Variants in SYT9 observed in about 807,000 individuals in gnomAD.
SYT9 encodes the protein synaptotagmin-9.
In SYT9, 22 loss-of-function variants were observed where a neutral mutation model predicts 48.4. That is an observed-to-expected ratio of 0.45 (90% CI 0.32 to 0.65). SYT9 has a LOEUF of 0.65. Ranked by LOEUF, SYT9 falls within the 30% of genes least tolerant of loss-of-function variation. The probability of loss-of-function intolerance (pLI) is 0.03; values close to 1 mark genes in which losing one functional copy is unlikely to be tolerated. For missense variants in SYT9, 577 were observed against 622.0 expected, an observed-to-expected ratio of 0.93 and a Z score of 0.77; for synonymous variants, 265 against 245.0, an observed-to-expected ratio of 1.08 and a Z score of -0.76.
At chr11:7,409,348 T>G (rs1847088260) in intron 3 of SYT9, among the ~76,000 whole-genome samples, 2 of 152,040 alleles carry the variant, frequency 1.3e-5, no homozygotes, top group Admixed American at 1.3e-4. Context: ...TGTTGTGTCC[T>G]TGTCAGGTTT....
chr11:7,313,567 CTG>C lies in SYT9; in HGVS notation c.671_672del (p.Leu224GlnfsTer7). The C allele has an allele frequency of 6.2e-7, 1 of 1,614,108 alleles. No individual in the cohort carries two copies. The highest frequency in any genetic ancestry group is 8.5e-7 in the Non-Finnish European group (1 of 1,179,998). On this transcript the variant is annotated frameshift_variant, in exon 3 of 7. Coordinates refer to ENST00000318881, the MANE Select transcript of SYT9 (RefSeq NM_175733.4). LOFTEE classifies it high-confidence loss of function. The part of the protein sequence containing the change: ...RRSNSKACGK[L>X]NFILKYDCDL... ...GAGTAACAGCAAGGCTTGTGGGAAA[CTG>C]AACTTCATTTTAAAATATGACTGTG...
At chr11:7,246,202 T>C (rs1847788955) in intron 1 of SYT9, among the ~76,000 whole-genome samples, 1 of 152,196 alleles carries the variant, frequency 6.6e-6, no homozygotes, top group Non-Finnish European at 1.5e-5. Flanking sequence ...GGCTGAGACT[T>C]TGATTCCTTC....
At chr11:7,266,787 C>T (rs10839755) in intron 1 of SYT9, among the ~76,000 whole-genome samples, 99,832 of 151,648 alleles carry the variant, frequency 0.66, 33,013 homozygotes, top group East Asian at 0.73. Context: ...CATAGTGCTA[C>T]AGACAATCAT....
Position 7,303,467 on chromosome 11 carries a change from G to A in SYT9, c.497+77G>A, listed in dbSNP as rs117105356. Reference sequence around the variant, plus strand: ...CTCTCTGGCAACAATAGCACTGATAGGTCAAGGAGCCTGTAACCTTTTAGA... The same window carrying A: ...CTCTCTGGCAACAATAGCACTGATAAGTCAAGGAGCCTGTAACCTTTTAGA... On this transcript the variant is annotated intron_variant, in intron 2 of 6. Transcript: ENST00000318881. 9.6e-4 allele frequency: 1,207 copies of A among 1,252,536 alleles called. 19 individuals carry two copies. The East Asian group carries it at 0.025, about 26-fold the overall frequency. The allele number at this position is 1,252,536 out of a possible 1,614,324, so 77.6% of individuals were successfully genotyped here. A position where few individuals can be genotyped will look rare whatever the true frequency, so the allele number is the denominator to read the frequency against.
chr11:7,252,885 T>G lies in SYT9; in HGVS notation c.145+554T>G, dbSNP rs1847900503. ...GGCCGGGGACAGGGTGCTTCTGGCC[T>G]TGGGCAGACGGGCCTGAACCCGTTC... On this transcript the variant is annotated intron_variant, in intron 1 of 6. Transcript: ENST00000318881. The surrounding 1 kb of genome is among the most constrained non-coding windows in gnomAD (Gnocchi z 6.3). 6.6e-6 allele frequency among the ~76,000 whole-genome samples: 1 copy of G among 152,224 alleles called. No individual in the cohort carries two copies. The highest frequency in any genetic ancestry group is 6.5e-5 in the Admixed American group (1 of 15,290).
chr11:7,302,972 C>T, intron 1 of SYT9, 67 bp from the exon 2 acceptor site: 2 of 1,434,630 alleles, frequency 1.4e-6, no homozygotes. Context: ...TCATTCTGCC[C>T]ACGCTGTGCA....
At chr11:7,269,721 A>T (rs554979818) in intron 1 of SYT9, among the ~76,000 whole-genome samples, 96 of 152,274 alleles carry the variant, frequency 6.3e-4, no homozygotes, top group Non-Finnish European at 1.1e-3. Context: ...CATCTCATTG[A>T]TCAGAATTTA....
intron 3 of SYT9, among the ~76,000 whole-genome samples, chr11:7,385,108 A>G (rs1178290244): frequency 2.0e-5 from 3 of 151,930 alleles, no homozygotes; most frequent in Non-Finnish European, 2.9e-5. Context: ...TTATATGTAT[A>G]CTTCTGTATA....
chr11:7,412,912 C>T (rs1041954447), intron 3 of SYT9, among the ~76,000 whole-genome samples: 1 of 152,170 alleles, frequency 6.6e-6, no homozygotes, highest in Admixed American at 6.5e-5. Context: ...CATGTGCCAA[C>T]AGTAGTGGAC....
chr11:7,368,213 A>C (rs570499046), intron 3 of SYT9, among the ~76,000 whole-genome samples: 2 of 152,242 alleles, frequency 1.3e-5, no homozygotes, highest in Non-Finnish European at 2.9e-5. Context: ...GAATAAAGTA[A>C]CATTTCCTAA....
At chr11:7,460,717 G>T (rs977095614) in intron 6 of SYT9, among the ~76,000 whole-genome samples, 6 of 152,076 alleles carry the variant, frequency 3.9e-5, no homozygotes, top group African/African-American at 1.4e-4. Flanking sequence ...ATTTTCTAGT[G>T]TATCAGATTG....
chr11:7,351,964 A>G (rs1378132753), intron 3 of SYT9, among the ~76,000 whole-genome samples: 1 of 152,196 alleles, frequency 6.6e-6, no homozygotes, highest in Admixed American at 6.5e-5. Flanking sequence ...TGGTGGGAAC[A>G]GGATGGGAGT....
intron 6 of SYT9, among the ~76,000 whole-genome samples, chr11:7,459,705 G>A (rs1431127718): frequency 6.6e-6 from 1 of 152,174 alleles, no homozygotes; most frequent in Non-Finnish European, 1.5e-5. Context: ...TGCTGGATCA[G>A]GGTAGGCACC....
intron 3 of SYT9, among the ~76,000 whole-genome samples, chr11:7,370,234 C>T (rs1479048618): frequency 6.6e-6 from 1 of 152,192 alleles, no homozygotes; most frequent in African/African-American, 2.4e-5. Context: ...AGTGATGCAT[C>T]TGCTGATAAA....
chr11:7,448,456 A>G (rs1217799492), intron 6 of SYT9, among the ~76,000 whole-genome samples: 1 of 152,246 alleles, frequency 6.6e-6, no homozygotes, highest in Non-Finnish European at 1.5e-5. Flanking sequence ...GCTCGCCTCA[A>G]GGCGGAACGG....
intron 6 of SYT9, among the ~76,000 whole-genome samples, chr11:7,432,372 C>T (rs1414383039): frequency 1.3e-5 from 2 of 151,400 alleles, no homozygotes; most frequent in Non-Finnish European, 2.9e-5. Context: ...CATGGTGAAA[C>T]CCTGTCTCTA....
intron 3 of SYT9, among the ~76,000 whole-genome samples, chr11:7,367,216 G>C (rs1015636719): frequency 6.7e-6 from 1 of 148,574 alleles, no homozygotes; most frequent in African/African-American, 2.5e-5. Flanking sequence ...CGAGTAGCTG[G>C]AACTACAGGC....
intron 3 of SYT9, among the ~76,000 whole-genome samples, chr11:7,320,052 T>G (rs1440691828): frequency 6.6e-6 from 1 of 152,214 alleles, no homozygotes; most frequent in Non-Finnish European, 1.5e-5. Flanking sequence ...GCCATTTTGC[T>G]TATACTAACT....
intron 3 of SYT9, among the ~76,000 whole-genome samples, chr11:7,412,102 C>T (rs190848082): frequency 1.3e-5 from 2 of 152,078 alleles, no homozygotes; most frequent in East Asian, 3.9e-4. Context: ...TTCCAATTTT[C>T]TGTATTGTTT....
Sources: gnomAD v4.1 joint callset for allele counts (sites outside exome capture counted in the v4.1 genomes callset) on GRCh38, gnomAD v4.1.1 for gene constraint, Gnocchi (gnomAD v3.1) non-coding constraint, MANE v1.5 for transcripts, NCBI Gene and HGNC (gene_info 2026-07-23, HGNC 2026-07-21) for gene names.